The following MEGF10 variants were observed in gnomAD, a reference collection of about 807,000 sequenced individuals.
The protein encoded by MEGF10 is multiple epidermal growth factor-like domains protein 10.
MEGF10 carries 86 observed loss-of-function variants against 147.5 expected under a neutral mutation model. The ratio of observed to expected loss-of-function variants is 0.58; its 90% CI spans 0.49 to 0.70. The LOEUF is 0.70. MEGF10 is among the 30% of genes least tolerant of loss of function. MEGF10 has a pLI of 0.00. For missense variants in MEGF10, 1,329 were observed against 1,487.3 expected (o/e 0.89, Z 1.75); for synonymous variants, 478 against 525.5 (o/e 0.91, Z 1.24).
chr5:127,295,202 A>G (rs1759441530), intron 1 of MEGF10, among the ~76,000 whole-genome samples: 1 of 152,234 alleles, frequency 6.6e-6, no homozygotes, highest in African/African-American at 2.4e-5. Flanking sequence ...TACATATTAT[A>G]GGGGATTCTG....
chr5:127,380,691 A>C (rs1763221899), intron 5 of MEGF10, among the ~76,000 whole-genome samples: 1 of 151,766 alleles, frequency 6.6e-6, no homozygotes, highest in Non-Finnish European at 1.5e-5. Flanking sequence ...CTAACTTTTT[A>C]TATTTTTAGT....
chr5:127,443,799 T>C (rs75141159), intron 19 of MEGF10, among the ~76,000 whole-genome samples: 168 of 152,366 alleles, frequency 1.1e-3, no homozygotes, highest in African/African-American at 3.9e-3. Context: ...ACTATTCCAT[T>C]GTATGGATAT....
At chr5:127,247,222 G>A in the MEGF10 span, among the ~76,000 whole-genome samples, 1 of 139,834 alleles carries the variant, frequency 7.2e-6, no homozygotes, top group Non-Finnish European at 1.5e-5. Context: ...GACCATTAGA[G>A]GAGAAAAAAA....
intron 4 of MEGF10, among the ~76,000 whole-genome samples, chr5:127,356,389 T>TA (rs1485586655): frequency 1.3e-5 from 2 of 152,146 alleles, no homozygotes; most frequent in African/African-American, 4.8e-5. Flanking sequence ...TGCTTATTGA[T>TA]AACCAATTCT....
At chr5:127,448,969 G>A (rs1766052124) in intron 21 of MEGF10, 130 bp from the exon 22 acceptor site, 1 of 1,194,716 alleles carries the variant, frequency 8.4e-7, no homozygotes, top group South Asian at 1.7e-5. Context: ...AGTCACCTCG[G>A]CCCCTGAGCT....
At chr5:127,350,154 C>T (rs1006801315) in intron 4 of MEGF10, among the ~76,000 whole-genome samples, 2 of 152,092 alleles carry the variant, frequency 1.3e-5, no homozygotes, top group Non-Finnish European at 2.9e-5. Context: ...TGCCTTTGGG[C>T]TCATCTCACA....
chr5:127,310,734 A>G (rs983835642), intron 1 of MEGF10, among the ~76,000 whole-genome samples: 3 of 152,172 alleles, frequency 2.0e-5, no homozygotes, highest in Admixed American at 6.5e-5. Context: ...GGAGTGAGGG[A>G]AAGGCTTAGT....
At chr5:127,264,211 A>G in the MEGF10 span, among the ~76,000 whole-genome samples, 3 of 152,248 alleles carry the variant, frequency 2.0e-5, no homozygotes, top group South Asian at 2.1e-4. Context: ...GTATCAATAT[A>G]ACTCTCAAAT....
intron 5 of MEGF10, among the ~76,000 whole-genome samples, chr5:127,374,511 A>G (rs1253860982): frequency 7.2e-6 from 1 of 139,752 alleles, no homozygotes; most frequent in African/African-American, 3.0e-5. Flanking sequence ...ATTCCTATAC[A>G]TAAAAAAAAC....
At chr5:127,325,900 TATATA>T (rs1408907596) in intron 1 of MEGF10, among the ~76,000 whole-genome samples, 48 of 48,094 alleles carry the variant, frequency 1.0e-3, no homozygotes, top group African/African-American at 2.4e-3. Flanking sequence ...TATATATATA[TATATA>T]TATATTTTTT....
intron 24 of MEGF10, among the ~76,000 whole-genome samples, chr5:127,456,328 G>A (rs1766361625): frequency 6.6e-6 from 1 of 152,084 alleles, no homozygotes; most frequent in Non-Finnish European, 1.5e-5. Context: ...TTTAAAATTG[G>A]AGTTATTTTG....
chr5:127,309,910 A>G (rs1261619420), intron 1 of MEGF10, among the ~76,000 whole-genome samples: 1 of 151,514 alleles, frequency 6.6e-6, no homozygotes, highest in Admixed American at 6.6e-5. Context: ...TCCGTCAGCA[A>G]TGCACAAGAG....
the MEGF10 span, among the ~76,000 whole-genome samples, chr5:127,250,078 C>T: frequency 1.3e-5 from 2 of 152,042 alleles, no homozygotes; most frequent in Admixed American, 6.6e-5. Flanking sequence ...CCAACACATG[C>T]TTTTTGGGGG....
At chr5:127,247,635 C>A in the MEGF10 span, among the ~76,000 whole-genome samples, 1 of 151,992 alleles carries the variant, frequency 6.6e-6, no homozygotes, top group East Asian at 1.9e-4. Context: ...GTAAAGTGAC[C>A]ATTTTAGGCA....
At chr5:127,268,789 C>T in the MEGF10 span, among the ~76,000 whole-genome samples, 2 of 152,224 alleles carry the variant, frequency 1.3e-5, no homozygotes, top group African/African-American at 4.8e-5. Flanking sequence ...CAGACTGCCT[C>T]CTCAGGTGGG....
At chr5:127,262,821 A>G in the MEGF10 span, among the ~76,000 whole-genome samples, 1 of 151,980 alleles carries the variant, frequency 6.6e-6, no homozygotes, top group Non-Finnish European at 1.5e-5. Context: ...CTTCTCTTAG[A>G]TTGGATCCTT....
At chr5:127,234,565 T>C in the MEGF10 span, among the ~76,000 whole-genome samples, 1 of 152,238 alleles carries the variant, frequency 6.6e-6, no homozygotes, top group Non-Finnish European at 1.5e-5. Context: ...CTCTCCTCTA[T>C]GCATCCACCA....
the MEGF10 span, among the ~76,000 whole-genome samples, chr5:127,273,366 C>T: frequency 1.0e-3 from 153 of 152,304 alleles, no homozygotes; most frequent in Non-Finnish European, 5.0e-4. Context: ...AAAAACTCGA[C>T]ATGGGTCGAG....
chr5:127,285,780 A>T, the MEGF10 span, among the ~76,000 whole-genome samples: 1 of 152,130 alleles, frequency 6.6e-6, no homozygotes, highest in Non-Finnish European at 1.5e-5. Context: ...AAATTAAAAT[A>T]AATAAAAATA....
Sources: allele counts gnomAD v4.1 joint callset (sites outside exome capture counted in the v4.1 genomes callset), GRCh38; gene constraint gnomAD v4.1.1; transcripts MANE v1.5; gene names NCBI Gene and HGNC (gene_info 2026-07-23, HGNC 2026-07-21).